The following PDE4D variants were observed in gnomAD, a reference collection of about 807,000 sequenced individuals.
PDE4D encodes the protein 3',5'-cyclic-AMP phosphodiesterase 4D.
Under a neutral mutation model 87.4 loss-of-function variants are expected in PDE4D, and 24 were observed. That is an observed-to-expected ratio of 0.27 (90% CI 0.20 to 0.39). The LOEUF is 0.39. Among genes scored for constraint, PDE4D ranks in the 10% least tolerant of loss-of-function variants. PDE4D has a pLI of 1.00. For missense variants in PDE4D, 714 were observed against 1,041.0 expected (o/e 0.69, Z 4.32); for synonymous variants, 384 against 383.2 (o/e 1.00, Z -0.02).
chr5:59,450,324 T>C (rs956954208), intron 1 of PDE4D, among the ~76,000 whole-genome samples: 1 of 152,208 alleles, frequency 6.6e-6, no homozygotes, highest in Non-Finnish European at 1.5e-5. Flanking sequence ...AGATTTTTTC[T>C]CTAAAATAAG....
At chr5:60,122,106 T>C (rs1351410799) in intron 2 of PDE4D, among the ~76,000 whole-genome samples, 1 of 152,156 alleles carries the variant, frequency 6.6e-6, no homozygotes, top group Non-Finnish European at 1.5e-5. Context: ...GTTCCCATGG[T>C]CTTGGGCACC....
chr5:59,343,472 A>C (rs1268453182), intron 1 of PDE4D, among the ~76,000 whole-genome samples: 1 of 152,170 alleles, frequency 6.6e-6, no homozygotes, highest in African/African-American at 2.4e-5. Context: ...ATGTTAGCAA[A>C]AGGGTCACTT....
At chr5:60,504,259 T>C (rs918865767) in intron 1 of PDE4D, among the ~76,000 whole-genome samples, 3 of 112,762 alleles carry the variant, frequency 2.7e-5, no homozygotes, top group Non-Finnish European at 5.6e-5. Context: ...TATGTCTTTA[T>C]GCATTTTTTT....
intron 1 of PDE4D, among the ~76,000 whole-genome samples, chr5:59,369,438 G>T (rs997462238): frequency 5.9e-5 from 9 of 152,164 alleles, no homozygotes; most frequent in African/African-American, 2.2e-4. Flanking sequence ...AAATATTGGA[G>T]TGCGTAGTTT....
intron 1 of PDE4D, among the ~76,000 whole-genome samples, chr5:59,529,580 T>C (rs1487176740): frequency 1.3e-5 from 2 of 152,138 alleles, no homozygotes; most frequent in Admixed American, 6.5e-5. Flanking sequence ...TTTTTCATCC[T>C]GAAAATTCTG....
intron 1 of PDE4D, among the ~76,000 whole-genome samples, chr5:60,298,868 A>G (rs1753650149): frequency 6.6e-6 from 1 of 152,204 alleles, no homozygotes; most frequent in South Asian, 2.1e-4. Flanking sequence ...AATATAAGAC[A>G]TTAGAAATAT....
intron 3 of PDE4D, among the ~76,000 whole-genome samples, chr5:59,921,772 A>G (rs952265981): frequency 6.6e-6 from 1 of 152,228 alleles, no homozygotes; most frequent in Non-Finnish European, 1.5e-5. Context: ...AATAAAAATT[A>G]TTTTGGAAAG....
intron 1 of PDE4D, among the ~76,000 whole-genome samples, chr5:60,215,062 A>G (rs1328829698): frequency 2.0e-5 from 3 of 152,196 alleles, no homozygotes; most frequent in Non-Finnish European, 4.4e-5. Context: ...TTTATGAGGT[A>G]GGCTAACTGA....
intron 3 of PDE4D, among the ~76,000 whole-genome samples, chr5:59,974,627 A>C (rs895536920): frequency 4.6e-5 from 7 of 152,188 alleles, no homozygotes; most frequent in Non-Finnish European, 1.5e-5. Context: ...AGCTATGCTC[A>C]ACTTCTTGTT....
At position 60,494,470 on chromosome 5, in the gene PDE4D, G is replaced by A. The variant is rs1193701332; in HGVS notation, n.70+27581C>T. 2.6e-5 allele frequency among the ~76,000 whole-genome samples: 4 copies of A among 152,286 alleles called. No individual in the cohort carries two copies. The East Asian group carries it at 5.8e-4, about 22-fold the overall frequency. On this transcript the variant is annotated intron_variant and non_coding_transcript_variant, in intron 1 of 2. Transcript: ENST00000506510. Reference sequence around the variant, plus strand: ...TCACTGAGAGGAAAATGATGGAAGGGGCTGGAGAATTTCAGGAAAACAATG... The same window carrying A: ...TCACTGAGAGGAAAATGATGGAAGGAGCTGGAGAATTTCAGGAAAACAATG...
chr5:59,845,358 T>A (rs1189218886), intron 1 of PDE4D, among the ~76,000 whole-genome samples: 1 of 152,112 alleles, frequency 6.6e-6, no homozygotes, highest in Admixed American at 6.6e-5. Context: ...GAGCCATCCC[T>A]GGCGCCACCT....
intron 1 of PDE4D, among the ~76,000 whole-genome samples, chr5:59,678,196 G>T (rs530503874): frequency 1.3e-5 from 2 of 152,104 alleles, no homozygotes; most frequent in African/African-American, 4.8e-5. Context: ...TCAAATTCTT[G>T]CTAGATTATT....
chr5:59,207,986 C>G (rs1260182361), intron 2 of PDE4D, among the ~76,000 whole-genome samples: 1 of 149,900 alleles, frequency 6.7e-6, no homozygotes, highest in Non-Finnish European at 1.5e-5. Flanking sequence ...GGTGAAACCC[C>G]ATCTCTACTA....
intron 1 of PDE4D, among the ~76,000 whole-genome samples, chr5:59,868,061 C>T (rs544843020): frequency 4.6e-5 from 7 of 152,062 alleles, no homozygotes; most frequent in East Asian, 3.9e-4. Context: ...GTATCTAAAA[C>T]GGTCAGGTTG....
chr5:60,312,096 G>A (rs914177026), intron 1 of PDE4D, among the ~76,000 whole-genome samples: 3 of 152,104 alleles, frequency 2.0e-5, no homozygotes, highest in African/African-American at 7.2e-5. Flanking sequence ...TAATAATAGT[G>A]GGAGACTTCA....
At chr5:60,037,257 C>A (rs184836710) in intron 2 of PDE4D, among the ~76,000 whole-genome samples, 7 of 152,040 alleles carry the variant, frequency 4.6e-5, no homozygotes, top group Non-Finnish European at 1.5e-5. Flanking sequence ...TGCTTAGCAC[C>A]TATGAATTCA....
At chr5:60,013,325 C>G (rs1464467730) in intron 2 of PDE4D, among the ~76,000 whole-genome samples, 1 of 152,174 alleles carries the variant, frequency 6.6e-6, no homozygotes. Context: ...TCACCTTGAG[C>G]TATGCAAGCG....
chr5:59,868,912 T>C (rs1747424183), intron 1 of PDE4D, among the ~76,000 whole-genome samples: 1 of 152,222 alleles, frequency 6.6e-6, no homozygotes, highest in African/African-American at 2.4e-5. Flanking sequence ...ATCATAGTCA[T>C]ATTATTCAAC....
At chr5:60,419,787 C>A (rs42222) in intron 1 of PDE4D, among the ~76,000 whole-genome samples, 16,969 of 152,100 alleles carry the variant, frequency 0.11, 1,405 homozygotes, top group East Asian at 0.39. Context: ...ATATATGAGG[C>A]AACCGTTTTC....
Sources: allele counts gnomAD v4.1 joint callset (sites outside exome capture counted in the v4.1 genomes callset), GRCh38; gene constraint gnomAD v4.1.1; transcripts MANE v1.5; gene names NCBI Gene and HGNC (gene_info 2026-07-23, HGNC 2026-07-21).